Variants in CECR2 observed in about 807,000 individuals in gnomAD.
CECR2 encodes CECR2 histone acetyl-lysine reader.
Under a neutral mutation model 154.5 loss-of-function variants are expected in CECR2, and 30 were observed. The ratio of observed to expected loss-of-function variants is 0.19; its 90% CI spans 0.15 to 0.26. The LOEUF is 0.26. CECR2 is among the 10% of genes least tolerant of loss of function. CECR2 has a pLI of 1.00. For missense variants in CECR2, 1,743 were observed against 1,829.3 expected, an observed-to-expected ratio of 0.95 and a Z score of 0.86; for synonymous variants, 725 against 683.7, an observed-to-expected ratio of 1.06 and a Z score of -0.94.
At chr22:17,369,386 C>CGGGCAGCCCCGCCCCCTCCTCGT (rs2063026735), upstream of CECR2, 1 of 151,202 alleles carries the variant, frequency 6.6e-6, no homozygotes, top group African/African-American at 2.4e-5. Flanking sequence ...TGTTGTGGCG[C>CGGGCAGCCCCGCCCCCTCCTCGT]GGGCAGCCCC....
At chr22:17,461,750 A>G (rs1041265293) in intron 1 of CECR2, among the ~76,000 whole-genome samples, 1 of 151,680 alleles carries the variant, frequency 6.6e-6, no homozygotes, top group Non-Finnish European at 1.5e-5. Context: ...GCCTATGACA[A>G]CAGAAGAAAC....
intron 2 of CECR2, among the ~76,000 whole-genome samples, chr22:17,492,399 C>T (rs1237742446): frequency 5.9e-5 from 9 of 152,136 alleles, no homozygotes; most frequent in Admixed American, 6.5e-5. Flanking sequence ...CAGTTCCAGC[C>T]GGCAGAGGCT....
chr22:17,543,958 A>C (rs1396047510), intron 16 of CECR2, among the ~76,000 whole-genome samples: 1 of 152,162 alleles, frequency 6.6e-6, no homozygotes, highest in East Asian at 1.9e-4. Context: ...GAAATGTTAG[A>C]TTATTTGCTC....
chr22:17,488,043 G>A (rs2055455601), intron 2 of CECR2, among the ~76,000 whole-genome samples: 1 of 151,886 alleles, frequency 6.6e-6, no homozygotes, highest in Admixed American at 6.6e-5. Flanking sequence ...CATCATGCCC[G>A]GCTAATTTTT....
intron 9 of CECR2, 27 bp downstream of exon 9, chr22:17,524,298 A>G: frequency 6.3e-7 from 1 of 1,576,622 alleles, no homozygotes; most frequent in Non-Finnish European, 8.6e-7. Context: ...CGTGGTCTGG[A>G]GAGGTGCATG....
In CECR2 at chr22:17,377,529, C is replaced by G. The variant is rs561734808; in HGVS notation, c.126+7620C>G. 1.8e-3 allele frequency among the ~76,000 whole-genome samples: 268 copies of G among 152,130 alleles called. 1 individual carries two copies. Among genetic ancestry groups the G allele is most frequent in the Non-Finnish European group, 2.8e-3 (189 of 68,010 alleles). On this transcript the variant is annotated intron_variant, in intron 1 of 18. Coordinates refer to ENST00000262608, the MANE Select transcript of CECR2 (RefSeq NM_001290047.2). ...CCTCCTGCCTCAGCCTCCCCAGTAG[C>G]TGGGACTCCAGGCACATGCCACTGC...
At chr22:17,461,787 C>T (rs1450885188) in intron 1 of CECR2, among the ~76,000 whole-genome samples, 5 of 150,194 alleles carry the variant, frequency 3.3e-5, no homozygotes, top group Non-Finnish European at 3.0e-5. Flanking sequence ...GGGAAGTACC[C>T]GTTACTTTTT....
chr22:17,431,144 AAAAG>A (rs1389591885), intron 1 of CECR2, among the ~76,000 whole-genome samples: 1 of 152,188 alleles, frequency 6.6e-6, no homozygotes, highest in Non-Finnish European at 1.5e-5. Flanking sequence ...GCTGGGGTAA[AAAAG>A]AAAACTCTGA....
At position 17,557,959 on chromosome 22, in the gene CECR2, T is replaced by C. The variant is rs2056792947; in HGVS notation, c.*5119T>C. On this transcript the variant is annotated 3_prime_UTR_variant, in exon 19 of 19. Transcript: ENST00000262608. ...GGGAATGCTATTTATTTTTATATTG[T>C]GTATATTTTGTCGTGGTCTGCTGAT... The C allele has an allele frequency of 6.6e-6, 1 of 152,232 alleles. No homozygotes were observed. The highest frequency in any genetic ancestry group is 1.5e-5 in the Non-Finnish European group (1 of 68,052). The allele number at this position is 152,232 out of a possible 1,614,324, so 9.4% of individuals were successfully genotyped here. A position where few individuals can be genotyped will look rare whatever the true frequency, so the allele number is the denominator to read the frequency against.
intron 1 of CECR2, among the ~76,000 whole-genome samples, chr22:17,473,355 G>A (rs925140999): frequency 6.6e-6 from 1 of 152,218 alleles, no homozygotes; most frequent in Non-Finnish European, 1.5e-5. Flanking sequence ...AGAAAAGAGA[G>A]AAAAGGTTGG....
chr22:17,421,553 T>C (rs1228056383), intron 1 of CECR2, among the ~76,000 whole-genome samples: 1 of 136,608 alleles, frequency 7.3e-6, no homozygotes, highest in East Asian at 2.1e-4. Flanking sequence ...AGGCGGAGCT[T>C]GCAGTGAGCC....
intron 8 of CECR2, among the ~76,000 whole-genome samples, chr22:17,513,149 G>A (rs899460651): frequency 1.3e-5 from 2 of 151,618 alleles, no homozygotes; most frequent in Admixed American, 6.6e-5. Context: ...CTAGGAGTTT[G>A]AGACCAGCCT....
At chr22:17,474,556 G>A (rs906339090) in intron 1 of CECR2, among the ~76,000 whole-genome samples, 1 of 152,206 alleles carries the variant, frequency 6.6e-6, no homozygotes, top group African/African-American at 2.4e-5. Flanking sequence ...TTGCTACAAT[G>A]TAGAAAACTT....
intron 1 of CECR2, among the ~76,000 whole-genome samples, chr22:17,442,394 C>G (rs1388030733): frequency 5.3e-5 from 8 of 152,146 alleles, no homozygotes; most frequent in Admixed American, 5.2e-4. Flanking sequence ...AGCGAGACCC[C>G]CATTTCTACA....
intron 1 of CECR2, among the ~76,000 whole-genome samples, chr22:17,413,906 T>A (rs2054106167): frequency 6.6e-6 from 1 of 150,726 alleles, no homozygotes; most frequent in Non-Finnish European, 1.5e-5. Context: ...CTCGATCACC[T>A]GACCTTGTGA....
Position 17,404,364 on chromosome 22 carries a change from C to CTTTT in CECR2, c.126+34458_126+34459insTTTT, listed in dbSNP as rs1209598318. 9.4e-4 allele frequency among the ~76,000 whole-genome samples: 56 copies of CTTTT among 59,618 alleles called. 4 individuals carry two copies. The highest frequency in any genetic ancestry group is 3.2e-3 in the African/African-American group (42 of 13,306). The allele number at this position is 59,618 out of a possible 152,430, so 39.1% of individuals were successfully genotyped here. On this transcript the variant is annotated intron_variant, in intron 1 of 18. Transcript: ENST00000262608. ...TGTGGGTTCATTTCTGGACCCTGTTCTTTCTTTTTTTTTTTTTTTTTTTTT... is the reference window on the plus strand; with the variant it reads ...TGTGGGTTCATTTCTGGACCCTGTTCTTTTTTTCTTTTTTTTTTTTTTTTTTTTT...
chr22:17,368,795 G>A (rs1310907891), upstream of CECR2, among the ~76,000 whole-genome samples: 2 of 152,028 alleles, frequency 1.3e-5, no homozygotes, highest in Non-Finnish European at 2.9e-5. Flanking sequence ...GTTGGGGATC[G>A]CTCTTCCCGC....
chr22:17,404,183 C>T (rs1241743771), intron 1 of CECR2, among the ~76,000 whole-genome samples: 1 of 149,088 alleles, frequency 6.7e-6, no homozygotes, highest in African/African-American at 2.5e-5. Context: ...CTCTTGAACC[C>T]AGGAGGTGGA....
intron 1 of CECR2, among the ~76,000 whole-genome samples, chr22:17,411,260 G>A (rs925187307): frequency 2.0e-5 from 3 of 152,158 alleles, no homozygotes; most frequent in Non-Finnish European, 2.9e-5. Flanking sequence ...CCTGCCTTAT[G>A]GGAAGAGACA....
Sources: allele counts gnomAD v4.1 joint callset (sites outside exome capture counted in the v4.1 genomes callset), GRCh38; gene constraint gnomAD v4.1.1; transcripts MANE v1.5; gene names NCBI Gene and HGNC (gene_info 2026-07-23, HGNC 2026-07-21).